MACF1: variants seen among roughly 807,000 people sequenced by gnomAD.
MACF1 encodes microtubule actin crosslinking factor 1.
MACF1 carries 193 observed loss-of-function variants against 854.8 expected under a neutral mutation model. The observed-to-expected ratio is 0.23, with a 90% CI of 0.20 to 0.25. MACF1 has a LOEUF of 0.25. MACF1 is among the 10% of genes least tolerant of loss of function. MACF1 has a pLI of 1.00. For missense variants in MACF1, 7,722 were observed against 8,929.1 expected, an observed-to-expected ratio of 0.86 and a Z score of 5.45; for synonymous variants, 3,185 against 3,226.7, an observed-to-expected ratio of 0.99 and a Z score of 0.44.
chr1:39,295,496 A>C (rs887221606), intron 19 of MACF1, among the ~76,000 whole-genome samples: 1 of 152,238 alleles, frequency 6.6e-6, no homozygotes, highest in African/African-American at 2.4e-5. Flanking sequence ...GAAACAGTGG[A>C]AGAATTCCAG....
chr1:39,107,013 A>G (rs1642261407), intron 2 of MACF1, among the ~76,000 whole-genome samples: 1 of 152,124 alleles, frequency 6.6e-6, no homozygotes, highest in Non-Finnish European at 1.5e-5. Context: ...TTCATTTCAG[A>G]GCACAAAGAG....
chr1:39,458,282 G>A (rs538826400), intron 89 of MACF1, 88 bp from the exon 90 acceptor site: 46 of 1,344,986 alleles, frequency 3.4e-5, no homozygotes, highest in Non-Finnish European at 4.1e-5. Context: ...ACCACAGGCC[G>A]TAAAGTACCC....
intron 99 of MACF1, among the ~76,000 whole-genome samples, chr1:39,483,878 G>A (rs1161981223): frequency 6.6e-6 from 1 of 152,224 alleles, no homozygotes; most frequent in Non-Finnish European, 1.5e-5. Flanking sequence ...GGGGCCAGGT[G>A]CGGTGGCTCA....
chr1:39,145,738 G>T (rs1643448729), intron 2 of MACF1, among the ~76,000 whole-genome samples: 1 of 152,112 alleles, frequency 6.6e-6, no homozygotes. Context: ...CCCTGACTGT[G>T]TGCTATCTCT....
chr1:39,260,039 A>AT (rs542225260), intron 6 of MACF1, among the ~76,000 whole-genome samples: 15 of 149,328 alleles, frequency 1.0e-4, no homozygotes, highest in East Asian at 2.0e-4. Flanking sequence ...TTTGTTCACC[A>AT]TTTTTTTTTT....
chr1:39,149,513 G>A (rs905755252), intron 2 of MACF1, among the ~76,000 whole-genome samples: 2 of 151,762 alleles, frequency 1.3e-5, no homozygotes, highest in Admixed American at 1.3e-4. Context: ...GGGTGATAGA[G>A]TGAGACTCCG....
chr1:39,475,722 C>T (rs1557673901), intron 97 of MACF1, among the ~76,000 whole-genome samples: 1 of 152,122 alleles, frequency 6.6e-6, no homozygotes, highest in Non-Finnish European at 1.5e-5. Context: ...GTTTTGGTTC[C>T]TGACTCTGGT....
At chr1:39,238,125 G>A (rs755702646) in intron 2 of MACF1, among the ~76,000 whole-genome samples, 1 of 152,196 alleles carries the variant, frequency 6.6e-6, no homozygotes, top group African/African-American at 2.4e-5. Context: ...AGCTTTGACT[G>A]CAGTTTTCCC....
intron 58 of MACF1, among the ~76,000 whole-genome samples, chr1:39,393,848 A>AGG (rs1642157650): frequency 2.8e-5 from 4 of 143,306 alleles, no homozygotes; most frequent in East Asian, 2.1e-4. Flanking sequence ...GGAGGGAGGG[A>AGG]GAGAGAGAGA....
intron 2 of MACF1, chr1:39,120,797 T>C (rs971183223): frequency 5.4e-4 from 4 of 7,396 alleles, no homozygotes; most frequent in African/African-American, 6.4e-4. Context: ...GAGAATGGGG[T>C]GTCTATCCCT....
intron 49 of MACF1, among the ~76,000 whole-genome samples, chr1:39,363,789 A>G (rs1648423510): frequency 6.6e-6 from 1 of 151,456 alleles, no homozygotes; most frequent in Non-Finnish European, 1.5e-5. Context: ...GTTTTTTTGT[A>G]TTTTTAGTAG....
In MACF1 at chr1:39,459,077, T is replaced by C. The variant is rs1359009309; in HGVS notation, c.21197-9T>C. The stretch of plus-strand genomic sequence containing the variant: ...GCTGTTCTAATCTTGTGATTATTTT[T>C]CCTTTTAGGGAAATCCCTAAGTCAG... On this transcript the variant is annotated splice_polypyrimidine_tract_variant and intron_variant, in intron 90 of 100. Coordinates refer to ENST00000564288, the MANE Select transcript of MACF1 (RefSeq NM_001394062.1). 3 of 1,607,096 alleles carry C rather than the reference T, an allele frequency of 1.9e-6. No homozygotes were observed. Among genetic ancestry groups the C allele is most frequent in the Non-Finnish European group, 2.5e-6 (3 of 1,177,150 alleles).
At chr1:39,135,530 G>A (rs1643143731) in intron 2 of MACF1, among the ~76,000 whole-genome samples, 1 of 152,170 alleles carries the variant, frequency 6.6e-6, no homozygotes, top group South Asian at 2.1e-4. Context: ...GAGCCACTGC[G>A]TCCGGCCAGA....
intron 2 of MACF1, among the ~76,000 whole-genome samples, chr1:39,088,979 A>G (rs1312900142): frequency 6.6e-6 from 1 of 152,178 alleles, no homozygotes; most frequent in Non-Finnish European, 1.5e-5. Context: ...CATTCATCTA[A>G]CATCACATAA....
chr1:39,361,663 T>A lies in MACF1; in HGVS notation c.12757T>A (p.Phe4253Ile). 6.2e-7 allele frequency: 1 copy of A among 1,614,126 alleles called. No homozygotes were observed. Among genetic ancestry groups the A allele is most frequent in the Non-Finnish European group, 8.5e-7 (1 of 1,180,010 alleles). The change falls in exon 49 of 101, where the codon TTC becomes ATC. Residue 4253 changes from phenylalanine (F) to isoleucine (I), a missense_variant. Around this residue, in one of 15 missense-constraint regions of MACF1, gnomAD observed 2,807 missense variants for 3,235.8 expected, o/e 0.87. Transcript: ENST00000564288. ...NQPDQDITHF[F>I]QQIQELNLEM... ...GCCAGATCAAGATATTACACATTTC[T>A]TCCAACAGATCCAGGTGAGGATATA... is the stretch of plus-strand genomic sequence containing the variant.
chr1:39,210,892 T>C (rs1644506705), intron 1 of MACF1, among the ~76,000 whole-genome samples: 1 of 151,552 alleles, frequency 6.6e-6, no homozygotes, highest in South Asian at 2.1e-4. Flanking sequence ...GCTGCTTGGT[T>C]GTTTTGACTT....
Position 39,105,415 on chromosome 1 carries a change from C to T in MACF1, c.220+20977C>T. ...AGGACGCGGAAACGCGAGCCGGGAC[C>T]GGCGGAGCGCGAGCGGGCCGGGTGC... is the stretch of plus-strand genomic sequence containing the variant. On this transcript the variant is annotated intron_variant, in intron 2 of 93. Transcript: ENST00000361689. This position sits in a 1 kb window ranked among gnomAD's most constrained non-coding sequence, Gnocchi z 5.9. The T allele has an allele frequency of 1.0e-6, 1 of 987,438 alleles. No individual in the cohort carries two copies. The highest frequency in any genetic ancestry group is 4.7e-5 in the South Asian group (1 of 21,474). 61.2% of individuals were successfully genotyped at this position (987,438 alleles called of 1,614,324 possible). A position where few individuals can be genotyped will look rare whatever the true frequency, so the allele number is the denominator to read the frequency against.
chr1:39,292,157 TGAA>T, intron 16 of MACF1, 119 bp downstream of exon 16: 1 of 1,176,472 alleles, frequency 8.5e-7, no homozygotes, highest in Non-Finnish European at 1.2e-6. Flanking sequence ...ATAATGATGA[TGAA>T]GAGCGGTTTA....
intron 58 of MACF1, among the ~76,000 whole-genome samples, chr1:39,390,102 C>A (rs969593833): frequency 1.3e-5 from 2 of 152,146 alleles, no homozygotes; most frequent in African/African-American, 4.8e-5. Context: ...ACCTGTTGCC[C>A]CTAGAGTTTT....
Sources: allele counts gnomAD v4.1 joint callset (sites outside exome capture counted in the v4.1 genomes callset), GRCh38; gene constraint gnomAD v4.1.1; regional missense constraint gnomAD v4.1.1; non-coding constraint Gnocchi (gnomAD v3.1); transcripts MANE v1.5; gene names NCBI Gene and HGNC (gene_info 2026-07-23, HGNC 2026-07-21).